ZNF493: variants seen among roughly 807,000 people sequenced by gnomAD.
ZNF493 encodes zinc finger protein 493.
ZNF493 carries 11 observed loss-of-function variants against 12.2 expected under a neutral mutation model. The ratio of observed to expected loss-of-function variants is 0.90; its 90% confidence interval spans 0.57 to 1.50. The LOEUF (loss-of-function observed/expected upper bound fraction) is 1.50. Among genes scored for constraint, ZNF493 ranks in the 40% most tolerant of loss-of-function variants. The probability of loss-of-function intolerance (pLI) is 0.00; values close to 1 mark genes in which losing one functional copy is unlikely to be tolerated. For synonymous variants in ZNF493, 286 were observed against 302.6 expected (o/e 0.95, Z 0.57); for missense variants, 950 against 906.6 (o/e 1.05, Z -0.61).
In ZNF493 at chr19:21,423,311, G is replaced by T; in HGVS notation, c.652G>T (p.Ala218Ser). ...TTACCGATGTGAAGAATGTGGCAAA[G>T]CCTTTATCTGGTTTTCAACCCTTAC... is the stretch of plus-strand genomic sequence containing the variant. ...NSYRCEECGK[A>S]FIWFSTLTRH... is the part of the protein sequence containing the mutation. The change falls in exon 4 of 4, where the codon GCC (alanine) becomes TCC (serine). Residue 218 changes from alanine to serine, a missense_variant. Coordinates refer to ENST00000392288, the MANE Select transcript of ZNF493 (RefSeq NM_001076678.3). The T allele has an allele frequency of 6.2e-7, 1 of 1,613,832 alleles. No homozygotes were observed. The highest frequency in any genetic ancestry group is 8.5e-7 in the Non-Finnish European group (1 of 1,179,874).
At chr19:21,403,552 G>A (rs995463762) in intron 1 of ZNF493, among the ~76,000 whole-genome samples, 1 of 152,148 alleles carries the variant, frequency 6.6e-6, no homozygotes, top group African/African-American at 2.4e-5. Flanking sequence ...AGGTAAATAG[G>A]TGGTGCTGAC....
intron 3 of ZNF493, among the ~76,000 whole-genome samples, chr19:21,415,266 T>C (rs2030452935): frequency 6.6e-6 from 1 of 152,166 alleles, no homozygotes; most frequent in Non-Finnish European, 1.5e-5. Context: ...GTTGTAACTC[T>C]CCCTCAGCCT....
intron 3 of ZNF493, among the ~76,000 whole-genome samples, chr19:21,418,965 T>A (rs1386095935): frequency 2.0e-5 from 3 of 152,220 alleles, no homozygotes; most frequent in Non-Finnish European, 4.4e-5. Flanking sequence ...ATTTTCTTTA[T>A]GGCCAGTTTT....
chr19:21,423,651 G>A lies in ZNF493; in HGVS notation c.992G>A (p.Ser331Asn), dbSNP rs140008239. Reference sequence around the variant, plus strand: ...TGTGAAGAATGTGGCAAAGCCTTTAGTATTTTCTCAACCCCTACTAAACAT... The same window carrying A: ...TGTGAAGAATGTGGCAAAGCCTTTAATATTTTCTCAACCCCTACTAAACAT... ...YKCEECGKAF[S>N]IFSTPTKHKI... The change falls in exon 4 of 4, where the codon AGT becomes AAT. Residue 331 changes from serine to asparagine, a missense_variant. By Grantham distance (46) the Ser-to-Asn change is conservative. Coordinates refer to ENST00000392288, the MANE Select transcript of ZNF493 (RefSeq NM_001076678.3). The A allele has an allele frequency of 2.1e-4, 341 of 1,608,774 alleles. 1 individual carries two copies. In the African/African-American group the frequency reaches 3.5e-3, roughly 16 times the overall value.
intron 3 of ZNF493, among the ~76,000 whole-genome samples, chr19:21,416,878 T>A (rs1433971112): frequency 6.6e-6 from 1 of 152,238 alleles, no homozygotes; most frequent in African/African-American, 2.4e-5. Flanking sequence ...TTCCTAGAGC[T>A]AACTCCTATT....
At chr19:21,410,060 GTA>G (rs60038018) in intron 3 of ZNF493, among the ~76,000 whole-genome samples, 806 of 43,912 alleles carry the variant, frequency 0.018, 1 homozygote, top group South Asian at 0.053. Context: ...TTCATTGTGT[GTA>G]TATATATATA....
At position 21,408,462 on chromosome 19, in the gene ZNF493, T is replaced by C. The variant is rs62110421; in HGVS notation, c.253+2606T>C. The C allele has an allele frequency of 1.6e-3, 1,618 of 985,014 alleles. 7 individuals are homozygous for C. Among genetic ancestry groups the C allele is most frequent in the Middle Eastern group, 0.011 (21 of 1,912 alleles). 61.0% of individuals were successfully genotyped at this position (985,014 alleles called of 1,614,324 possible). A position where few individuals can be genotyped will look rare whatever the true frequency, so the allele number is the denominator to read the frequency against. The stretch of plus-strand genomic sequence containing the variant: ...CTTTTAAATGCTTATTAAAAGTTTC[T>C]CATCAGAATATTTTATTTATAATTA... On this transcript the variant is annotated intron_variant, in intron 3 of 3. Coordinates refer to ENST00000392288, the MANE Select transcript of ZNF493 (RefSeq NM_001076678.3).
chr19:21,425,173 GA>G lies in ZNF493; in HGVS notation c.*190del, dbSNP rs2030822621. 4.1e-6 allele frequency: 3 copies of G among 733,528 alleles called. No individual in the cohort carries two copies. 45.4% of individuals were successfully genotyped at this position (733,528 alleles called of 1,614,324 possible). ...ACTAAATATAAGATAATTCATATTGGAGAGAAATTCTACAGATGTGAAGAAT... is the reference window on the plus strand; with the variant it reads ...ACTAAATATAAGATAATTCATATTGGGAGAAATTCTACAGATGTGAAGAAT... On this transcript the variant is annotated 3_prime_UTR_variant, in exon 4 of 4. Transcript: ENST00000392288.
chr19:21,422,842 A>G (rs1022448307), intron 3 of ZNF493, 71 bp from the exon 4 acceptor site: 1 of 1,333,110 alleles, frequency 7.5e-7, no homozygotes, highest in African/African-American at 1.5e-5. Context: ...ATAATATTAT[A>G]GTTTAGATTT....
chr19:21,424,018 A>C lies in ZNF493; in HGVS notation c.1359A>C (p.Ile453=). ...TCTCAATTCTTACTAAACATAAAAT[A>C]ATTCATACAGAAGAGAAACCCTACA... ...SVFSILTKHK[I]IHTEEKPYKC... Residue 453 remains isoleucine, a synonymous_variant, in exon 4 of 4, where the codon ATA becomes ATC. Transcript: ENST00000392288. The C allele has an allele frequency of 6.2e-7, 1 of 1,613,474 alleles. No individual in the cohort carries two copies. The highest frequency in any genetic ancestry group is 8.5e-7 in the Non-Finnish European group (1 of 1,179,782).
At chr19:21,401,011 A>G (rs938904507) in intron 1 of ZNF493, among the ~76,000 whole-genome samples, 3 of 152,190 alleles carry the variant, frequency 2.0e-5, no homozygotes, top group Non-Finnish European at 4.4e-5. Context: ...AGTTTTGAGA[A>G]AAAGCATTCT....
At chr19:21,414,121 G>T (rs2030410917) in intron 3 of ZNF493, 1 of 152,208 alleles carries the variant, frequency 6.6e-6, no homozygotes, top group Non-Finnish European at 1.5e-5. Flanking sequence ...ACTGCAAAAG[G>T]TGATGTTTAA....
At chr19:21,403,401 AG>A (rs1361230135) in intron 1 of ZNF493, among the ~76,000 whole-genome samples, 4 of 152,230 alleles carry the variant, frequency 2.6e-5, no homozygotes, top group Non-Finnish European at 1.5e-5. Context: ...TGGCAAGGGC[AG>A]GCACATGAAG....
intron 1 of ZNF493, among the ~76,000 whole-genome samples, chr19:21,401,846 G>A (rs948226542): frequency 6.6e-6 from 1 of 152,008 alleles, no homozygotes; most frequent in African/African-American, 2.4e-5. Flanking sequence ...GCTGTTCGCT[G>A]TTCTTGAACT....
Position 21,402,494 on chromosome 19 carries a change from C to G in ZNF493, c.31-2635C>G, listed in dbSNP as rs146104182. Among the ~76,000 whole-genome samples the G allele has an allele frequency of 5.8e-3, 888 of 152,254 alleles. 5 individuals are homozygous for G. Among genetic ancestry groups the G allele is most frequent in the African/African-American group, 0.021 (858 of 41,546 alleles). On this transcript the variant is annotated intron_variant, in intron 1 of 3. Coordinates refer to ENST00000392288, the MANE Select transcript of ZNF493 (RefSeq NM_001076678.3). ...TAGAGGAGCCTCTATGAAGGGATCTCTCCTTTGATTGTACTCTGCTTGCTG... is the reference window on the plus strand; with the variant it reads ...TAGAGGAGCCTCTATGAAGGGATCTGTCCTTTGATTGTACTCTGCTTGCTG...
At position 21,423,177 on chromosome 19, in the gene ZNF493, A is replaced by G. The variant is rs752950729; in HGVS notation, c.518A>G (p.Asn173Ser). Reference sequence around the variant, plus strand: ...AAACTTTTAAATTCAAATAGACATAACACAAAACATACTGGAAAGAAACCT... The same window carrying G: ...AAACTTTTAAATTCAAATAGACATAGCACAAAACATACTGGAAAGAAACCT... ...FHKLLNSNRH[N>S]TKHTGKKPFK... is the part of the protein sequence containing the mutation. Residue 173 changes from asparagine to serine, a missense_variant, in exon 4 of 4, where the codon AAC becomes AGC. Coordinates refer to ENST00000392288, the MANE Select transcript of ZNF493 (RefSeq NM_001076678.3). 27 of 1,613,646 alleles carry G rather than the reference A, an allele frequency of 1.7e-5. No individual in the cohort carries two copies. Among genetic ancestry groups the G allele is most frequent in the Middle Eastern group, 3.3e-4 (2 of 6,074 alleles).
In ZNF493 at chr19:21,425,958, C is replaced by T. The variant is rs1023441693; in HGVS notation, c.*974C>T. On this transcript the variant is annotated 3_prime_UTR_variant, in exon 4 of 4. Coordinates refer to ENST00000392288, the MANE Select transcript of ZNF493 (RefSeq NM_001076678.3). ...TACAAATGTGAAGAATGTGACAAAG[C>T]CTTTAACCAGTCCTCAATTTTTACT... The T allele has an allele frequency of 4.4e-6, 3 of 681,668 alleles. No individual in the cohort carries two copies. The highest frequency in any genetic ancestry group is 7.6e-6 in the Non-Finnish European group (3 of 394,970). The allele number at this position is 681,668 out of a possible 1,614,324, so 42.2% of individuals were successfully genotyped here.
intron 3 of ZNF493, among the ~76,000 whole-genome samples, chr19:21,421,432 C>T (rs940965873): frequency 6.6e-6 from 1 of 152,082 alleles, no homozygotes. Flanking sequence ...ATGGCATGAT[C>T]TCCACCCACC....
Position 21,423,785 on chromosome 19 carries a change from C to T in ZNF493, c.1126C>T (p.Pro376Ser), listed in dbSNP as rs1315827089. 9.9e-6 allele frequency: 16 copies of T among 1,613,002 alleles called. No individual in the cohort carries two copies. The highest frequency in any genetic ancestry group is 1.3e-5 in the Non-Finnish European group (15 of 1,179,388). Reference protein sequence around the residue: ...THKRIHTGEKPYKCEECGKAF... With the variant: ...THKRIHTGEKSYKCEECGKAF... ...TAAAAGAATTCATACTGGAGAGAAA[C>T]CCTACAAATGTGAAGAATGTGGCAA... The change falls in exon 4 of 4, where the codon CCC (proline) becomes TCC (serine). Residue 376 changes from proline (P) to serine (S), a missense_variant. Pro to Ser is a moderately conservative substitution (Grantham distance 74). Transcript: ENST00000392288.
Sources: gnomAD v4.1 joint callset for allele counts (sites outside exome capture counted in the v4.1 genomes callset) on GRCh38, gnomAD v4.1.1 for gene constraint, MANE v1.5 for transcripts, NCBI Gene and HGNC (gene_info 2026-07-23, HGNC 2026-07-21) for gene names.